SCRN1: variants seen among roughly 807,000 people sequenced by gnomAD.
The protein encoded by SCRN1 is secernin-1.
SCRN1 carries 19 observed loss-of-function variants against 43.3 expected under a neutral mutation model. The ratio of observed to expected loss-of-function variants is 0.44; its 90% CI spans 0.31 to 0.64. The LOEUF (loss-of-function observed/expected upper bound fraction) is 0.64. Among genes scored for constraint, SCRN1 ranks in the 30% least tolerant of loss-of-function variants. SCRN1 has a pLI of 0.09. For synonymous variants in SCRN1, 183 were observed against 188.9 expected (o/e 0.97, Z 0.26); for missense variants, 447 against 524.1 (o/e 0.85, Z 1.44).
chr7:29,977,167 G>A (rs946513610), intron 1 of SCRN1, among the ~76,000 whole-genome samples: 2 of 152,152 alleles, frequency 1.3e-5, no homozygotes, highest in Admixed American at 6.5e-5. Flanking sequence ...TTTATTAAGC[G>A]TCTTGCAAGT....
At chr7:29,979,102 C>T (rs747713575) in intron 1 of SCRN1, among the ~76,000 whole-genome samples, 23 of 152,124 alleles carry the variant, frequency 1.5e-4, no homozygotes, top group Non-Finnish European at 2.5e-4. Context: ...TGGTGGCTGA[C>T]GCCTGTAATC....
At chr7:29,937,526 T>A (rs1787383384) in intron 5 of SCRN1, among the ~76,000 whole-genome samples, 1 of 152,188 alleles carries the variant, frequency 6.6e-6, no homozygotes, top group Non-Finnish European at 1.5e-5. Flanking sequence ...GTACAATAAC[T>A]CAATAGATAT....
intron 6 of SCRN1, among the ~76,000 whole-genome samples, chr7:29,932,351 G>T (rs1430538077): frequency 1.3e-5 from 2 of 152,092 alleles, no homozygotes; most frequent in Admixed American, 1.3e-4. Context: ...TTATCTAGAT[G>T]GTAATATCTT....
intron 1 of SCRN1, among the ~76,000 whole-genome samples, chr7:29,985,575 G>C (rs987422629): frequency 6.6e-6 from 1 of 151,930 alleles, no homozygotes; most frequent in African/African-American, 2.4e-5. Flanking sequence ...TTTCGATATG[G>C]GAACACAGAT....
intron 6 of SCRN1, among the ~76,000 whole-genome samples, chr7:29,928,500 C>G (rs1010004368): frequency 1.3e-5 from 2 of 152,212 alleles, no homozygotes; most frequent in African/African-American, 4.8e-5. Context: ...GTGAGACCTT[C>G]GTACCCCAAG....
At chr7:29,952,287 T>A (rs527877227) in intron 3 of SCRN1, among the ~76,000 whole-genome samples, 11 of 152,342 alleles carry the variant, frequency 7.2e-5, no homozygotes, top group African/African-American at 2.6e-4. Context: ...CAGCCATACT[T>A]TGAGAACCAC....
intron 1 of SCRN1, among the ~76,000 whole-genome samples, chr7:29,971,038 T>A (rs929119521): frequency 6.6e-6 from 1 of 152,256 alleles, no homozygotes; most frequent in Non-Finnish European, 1.5e-5. Flanking sequence ...AGAAACATTA[T>A]CTAGTGTACC....
At chr7:29,944,258 A>C in intron 3 of SCRN1, 79 bp from the exon 4 acceptor site, 1 of 1,310,606 alleles carries the variant, frequency 7.6e-7, no homozygotes, top group Non-Finnish European at 1.1e-6. Flanking sequence ...AGACTGGGCA[A>C]GGCCGAGTTA....
chr7:29,948,964 G>C (rs1787823557), intron 3 of SCRN1, among the ~76,000 whole-genome samples: 1 of 152,158 alleles, frequency 6.6e-6, no homozygotes, highest in Non-Finnish European at 1.5e-5. Flanking sequence ...ACGCTTCATA[G>C]TTCTCATCCA....
At chr7:29,961,081 A>AT (rs1240792840) in intron 2 of SCRN1, among the ~76,000 whole-genome samples, 1 of 117,486 alleles carries the variant, frequency 8.5e-6, no homozygotes, top group Admixed American at 8.5e-5. Flanking sequence ...TTTTTAATTT[A>AT]TTTTTTTATT....
intron 1 of SCRN1, among the ~76,000 whole-genome samples, chr7:29,982,670 G>A (rs962276877): frequency 1.8e-4 from 23 of 126,210 alleles, no homozygotes; most frequent in African/African-American, 4.9e-4. Context: ...ACAACAGAGC[G>A]AGACCCTGTC....
chr7:29,926,507 CGGCG>C lies in SCRN1; in HGVS notation c.1027_1030del (p.Arg343GlyfsTer25). The C allele has an allele frequency of 1.2e-6, 2 of 1,614,080 alleles. No homozygotes were observed. On this transcript the variant is annotated frameshift_variant, in exon 7 of 8. Transcript: ENST00000242059. LOFTEE classifies it high-confidence loss of function. ...CTCGTGGGCTTTGTACAGCTCATGC[CGGCG>C]GTCTGGTTTCTCCTGGAACCGAGGC...
intron 6 of SCRN1, among the ~76,000 whole-genome samples, chr7:29,928,768 C>A (rs79900657): frequency 0.02 from 3,098 of 152,280 alleles, 38 homozygotes; most frequent in South Asian, 0.056. Context: ...CTTCCTACAG[C>A]CCCTTGAAAA....
intron 4 of SCRN1, among the ~76,000 whole-genome samples, chr7:29,941,183 A>C (rs1051825835): frequency 1.3e-5 from 2 of 152,228 alleles, no homozygotes; most frequent in African/African-American, 4.8e-5. Context: ...AGCCCCAAGC[A>C]TTCATTAGTT....
intron 1 of SCRN1, among the ~76,000 whole-genome samples, chr7:29,973,598 G>GGTCA (rs138126594): frequency 0.011 from 1,712 of 152,298 alleles, 13 homozygotes; most frequent in Non-Finnish European, 0.017. Flanking sequence ...GAGCCTTGAA[G>GGTCA]GTCACATCAA....
At chr7:29,924,193 G>T (rs1786866222) in intron 7 of SCRN1, 78 bp from the exon 8 acceptor site, 1 of 1,437,356 alleles carries the variant, frequency 7.0e-7, no homozygotes. Flanking sequence ...CCCTCTAGGG[G>T]GCCAGCTGGC....
At chr7:29,966,338 C>T (rs941206664) in intron 2 of SCRN1, among the ~76,000 whole-genome samples, 1 of 152,164 alleles carries the variant, frequency 6.6e-6, no homozygotes, top group African/African-American at 2.4e-5. Context: ...TTTCCCTCTT[C>T]GTGGAAGGAG....
intron 2 of SCRN1, among the ~76,000 whole-genome samples, chr7:29,961,982 T>A (rs1343279659): frequency 6.6e-6 from 1 of 151,950 alleles, no homozygotes; most frequent in African/African-American, 2.4e-5. Flanking sequence ...GAAAGGGGGA[T>A]CAGTTGGCAG....
chr7:29,933,410 C>G (rs970336775), intron 6 of SCRN1, among the ~76,000 whole-genome samples: 1 of 152,202 alleles, frequency 6.6e-6, no homozygotes, highest in African/African-American at 2.4e-5. Context: ...CTCCAGCACA[C>G]TGTAAGACTC....
Sources: gnomAD v4.1 joint callset for allele counts (sites outside exome capture counted in the v4.1 genomes callset) on GRCh38, gnomAD v4.1.1 for gene constraint, MANE v1.5 for transcripts, NCBI Gene and HGNC (gene_info 2026-07-23, HGNC 2026-07-21) for gene names.